RELN: variants seen among roughly 807,000 people sequenced by gnomAD.
RELN encodes reelin.
A neutral mutation model predicts 427.6 loss-of-function variants in RELN; 108 were observed. The ratio of observed to expected loss-of-function variants is 0.25; its 90% CI spans 0.22 to 0.30. RELN has a LOEUF of 0.30. RELN is among the 10% of genes least tolerant of loss of function. RELN has a pLI of 1.00. For synonymous variants in RELN, 1,524 were observed against 1,513.4 expected (o/e 1.01, Z -0.16); for missense variants, 3,715 against 4,302.8 (o/e 0.86, Z 3.82).
intron 6 of RELN, 87 bp downstream of exon 6, chr7:103,749,339 A>T: frequency 9.6e-7 from 1 of 1,039,618 alleles, no homozygotes; most frequent in Non-Finnish European, 1.5e-6. Context: ...AGATCAACTT[A>T]ATTTTAAGTA....
intron 6 of RELN, among the ~76,000 whole-genome samples, chr7:103,745,017 T>G (rs1395059209): frequency 3.9e-5 from 6 of 152,160 alleles, no homozygotes; most frequent in African/African-American, 1.4e-4. Context: ...AAATCCTCAG[T>G]AAAATACTGG....
At chr7:103,604,562 A>G in intron 22 of RELN, 79 bp from the exon 23 acceptor site, 2 of 1,456,408 alleles carry the variant, frequency 1.4e-6, no homozygotes, top group Non-Finnish European at 1.9e-6. Flanking sequence ...AGAGTCCAAA[A>G]TCTTTCAGCT....
At chr7:103,835,679 T>C (rs1355424619) in intron 2 of RELN, among the ~76,000 whole-genome samples, 1 of 152,196 alleles carries the variant, frequency 6.6e-6, no homozygotes, top group Non-Finnish European at 1.5e-5. Flanking sequence ...AATTTTAAAT[T>C]TCTCTCATTT....
At chr7:103,692,781 T>C (rs767628017) in intron 10 of RELN, among the ~76,000 whole-genome samples, 114 of 152,142 alleles carry the variant, frequency 7.5e-4, no homozygotes, top group Middle Eastern at 3.4e-3. Flanking sequence ...GAGTGGCATT[T>C]TTTTTTTCTG....
intron 20 of RELN, 59 bp downstream of exon 20, chr7:103,629,881 C>G: frequency 9.5e-7 from 1 of 1,048,992 alleles, no homozygotes; most frequent in Non-Finnish European, 1.5e-6. Context: ...ACTGGAAGAT[C>G]ATCCTCATGT....
At chr7:103,785,969 A>T (rs1484169268) in intron 3 of RELN, among the ~76,000 whole-genome samples, 1 of 151,948 alleles carries the variant, frequency 6.6e-6, no homozygotes, top group Non-Finnish European at 1.5e-5. Flanking sequence ...TGATGAAGTC[A>T]ATGAAAGCTC....
chr7:103,861,877 T>G (rs1240575267), intron 2 of RELN, among the ~76,000 whole-genome samples: 1 of 152,202 alleles, frequency 6.6e-6, no homozygotes, highest in Non-Finnish European at 1.5e-5. Flanking sequence ...GATGATAGTC[T>G]TAAGGCAATG....
In RELN at chr7:103,627,113, C is replaced by T. The variant is rs542580997; in HGVS notation, c.2702+2827G>A. ...TAGAAAATGAGAACCAAATGAACAA[C>T]CAGCTGAGAAAAACCAACAATAATT... is the stretch of plus-strand genomic sequence containing the variant. On this transcript the variant is annotated intron_variant, in intron 20 of 64. Coordinates refer to ENST00000428762, the MANE Select transcript of RELN (RefSeq NM_005045.4). Among the ~76,000 whole-genome samples, 7 of 152,130 alleles carry T rather than the reference C, an allele frequency of 4.6e-5. No individual in the cohort carries two copies. The South Asian group carries it at 1.2e-3, about 27-fold the overall frequency.
At chr7:103,747,179 C>T (rs1043604623) in intron 6 of RELN, among the ~76,000 whole-genome samples, 1 of 150,342 alleles carries the variant, frequency 6.7e-6, no homozygotes, top group African/African-American at 2.5e-5. Context: ...AACCAAACAC[C>T]GCATGTTCTC....
At chr7:103,538,445 G>C (rs1415484399) in intron 45 of RELN, among the ~76,000 whole-genome samples, 1 of 152,176 alleles carries the variant, frequency 6.6e-6, no homozygotes, top group Non-Finnish European at 1.5e-5. Context: ...ATGGGTCTGT[G>C]TGAGTGCATG....
intron 57 of RELN, among the ~76,000 whole-genome samples, chr7:103,494,591 C>G (rs1443751346): frequency 1.4e-5 from 2 of 141,302 alleles, no homozygotes; most frequent in African/African-American, 5.2e-5. Flanking sequence ...TGCTATGTTT[C>G]CCAGGATGGT....
chr7:103,508,262 G>A (rs980461819), intron 51 of RELN, among the ~76,000 whole-genome samples: 2 of 152,186 alleles, frequency 1.3e-5, no homozygotes, highest in African/African-American at 4.8e-5. Flanking sequence ...TATCCCTTAT[G>A]AATATTGATG....
intron 1 of RELN, among the ~76,000 whole-genome samples, chr7:103,948,534 A>T (rs939977587): frequency 6.6e-6 from 1 of 152,050 alleles, no homozygotes; most frequent in Non-Finnish European, 1.5e-5. Context: ...TTAGCTGGGC[A>T]TGGTGGCACA....
At chr7:103,963,655 T>A (rs988452133) in intron 1 of RELN, among the ~76,000 whole-genome samples, 1 of 152,222 alleles carries the variant, frequency 6.6e-6, no homozygotes, top group African/African-American at 2.4e-5. Flanking sequence ...TATATCTGCA[T>A]AGCAATGCAC....
At chr7:103,794,787 A>G (rs1227484399) in intron 3 of RELN, among the ~76,000 whole-genome samples, 1 of 152,148 alleles carries the variant, frequency 6.6e-6, no homozygotes, top group Non-Finnish European at 1.5e-5. Flanking sequence ...CAGCACCTGT[A>G]GCACCACTAG....
intron 3 of RELN, among the ~76,000 whole-genome samples, chr7:103,823,300 G>A (rs1032673092): frequency 3.3e-5 from 5 of 151,934 alleles, no homozygotes; most frequent in South Asian, 2.1e-4. Flanking sequence ...ACAGTGTTTC[G>A]CCTGGTGAAT....
chr7:103,739,734 G>A (rs1050439505), intron 6 of RELN, among the ~76,000 whole-genome samples: 2 of 152,132 alleles, frequency 1.3e-5, no homozygotes, highest in Non-Finnish European at 2.9e-5. Context: ...CTGGGGGAGT[G>A]GGGATATGAA....
chr7:103,584,046 C>T (rs1584317633), intron 28 of RELN, among the ~76,000 whole-genome samples: 1 of 152,268 alleles, frequency 6.6e-6, no homozygotes, highest in South Asian at 2.1e-4. Flanking sequence ...ATCTCCACAT[C>T]CTAGGAGTTC....
rs758615073 is a variant in RELN at position 103,519,446 on chromosome 7, A to G, written c.7739T>C (p.Met2580Thr). 7 of 1,613,682 alleles carry G rather than the reference A, an allele frequency of 4.3e-6. No homozygotes were observed. In the South Asian group the frequency reaches 7.7e-5, roughly 18 times the overall value. Reference sequence around the variant, plus strand: ...GTTTGGTGTAATCAGGCACCCATACATGAAGTAAAATTGGATGAACTCAGC... The same window carrying G: ...GTTTGGTGTAATCAGGCACCCATACGTGAAGTAAAATTGGATGAACTCAGC... ...TNAEFIQFYF[M>T]YGCLITPNNR... is the part of the protein sequence containing the mutation. The change falls in exon 49 of 65, where the codon ATG becomes ACG. Residue 2580 changes from methionine (M) to threonine (T), a missense_variant. Physicochemically the swap from Met to Thr is moderately conservative, Grantham distance 81. This residue lies in a region of RELN where 1,310 missense variants were observed against 1,643.0 expected (regional missense o/e 0.80). Coordinates refer to ENST00000428762, the MANE Select transcript of RELN (RefSeq NM_005045.4).
Sources: allele counts gnomAD v4.1 joint callset (sites outside exome capture counted in the v4.1 genomes callset), GRCh38; gene constraint gnomAD v4.1.1; regional missense constraint gnomAD v4.1.1; transcripts MANE v1.5; gene names NCBI Gene and HGNC (gene_info 2026-07-23, HGNC 2026-07-21).